MLPH: variants seen among roughly 807,000 people sequenced by gnomAD.
MLPH encodes melanophilin, also known as exophilin-3.
A neutral mutation model predicts 72.1 loss-of-function variants in MLPH; 51 were observed. The observed-to-expected ratio is 0.71, with a 90% CI of 0.56 to 0.89. The LOEUF (loss-of-function observed/expected upper bound fraction) is 0.89, where lower values mean the gene tolerates loss of function less well. Among genes scored for constraint, MLPH ranks in the 40% least tolerant of loss-of-function variants. The probability of loss-of-function intolerance (pLI) is 0.00; values close to 1 mark genes in which losing one functional copy is unlikely to be tolerated. For synonymous variants in MLPH, 301 were observed against 310.1 expected (o/e 0.97, Z 0.31); for missense variants, 743 against 759.9 (o/e 0.98, Z 0.26).
At chr2:237,536,681 C>A (rs950916960) in intron 9 of MLPH, among the ~76,000 whole-genome samples, 1 of 152,224 alleles carries the variant, frequency 6.6e-6, no homozygotes, top group African/African-American at 2.4e-5. Context: ...AGGTCTCACT[C>A]GGGCCTCGGC....
Position 237,510,933 on chromosome 2 carries a change from T to C in MLPH, c.333-56T>C. 1 of 1,526,254 alleles carries C rather than the reference T, an allele frequency of 6.6e-7. No homozygotes were observed. Among genetic ancestry groups the C allele is most frequent in the African/African-American group, 1.4e-5 (1 of 72,540 alleles). 94.5% of individuals were successfully genotyped at this position (1,526,254 alleles called of 1,614,324 possible). ...TGTGTGTGTGTGTGTGTGAGATTTA[T>C]GCAGGCCTGTGTACAGCACTCAGGC... On this transcript the variant is annotated intron_variant, in intron 3 of 15. Transcript: ENST00000264605. This position sits in a 1 kb window ranked among gnomAD's most constrained non-coding sequence, Gnocchi z 4.4.
In MLPH at chr2:237,501,682, AAAAAAAATAC is replaced by A. The variant is rs1365436483; in HGVS notation, c.110+8155_110+8164del. Among the ~76,000 whole-genome samples, 710 of 123,128 alleles carry A rather than the reference AAAAAAAATAC, an allele frequency of 5.8e-3. 2 individuals carry two copies. The highest frequency in any genetic ancestry group is 8.9e-3 in the African/African-American group (255 of 28,602). 80.8% of individuals were successfully genotyped at this position (123,128 alleles called of 152,430 possible). On this transcript the variant is annotated intron_variant, in intron 2 of 15. Coordinates refer to ENST00000264605, the MANE Select transcript of MLPH (RefSeq NM_024101.7). ...TCTCTACTAAAAAAAAAAAAAAAAA[AAAAAAAATAC>A]AAAAAAATTAGCCAGGCATGGTGGC... is the stretch of plus-strand genomic sequence containing the variant.
intron 2 of MLPH, among the ~76,000 whole-genome samples, chr2:237,496,919 C>T (rs2079548076): frequency 1.3e-5 from 2 of 152,170 alleles, no homozygotes; most frequent in African/African-American, 4.8e-5. Context: ...GCAGGTGACA[C>T]ATTTGGGAGG....
chr2:237,545,584 C>G (rs144228529), intron 12 of MLPH: 2 of 1,287,688 alleles, frequency 1.6e-6, no homozygotes, highest in East Asian at 5.5e-5. Context: ...TCCGCCGCCA[C>G]GTGAAGATGG....
chr2:237,510,804 A>C lies in MLPH; in HGVS notation c.332+9A>C. ...CCCTGCCATCTGGCCAGGTGAGCCCAGGCCTTGAGGTAAAATGACCTTGAT... is the reference window on the plus strand; with the variant it reads ...CCCTGCCATCTGGCCAGGTGAGCCCCGGCCTTGAGGTAAAATGACCTTGAT... On this transcript the variant is annotated intron_variant, in intron 3 of 15. Coordinates refer to ENST00000264605, the MANE Select transcript of MLPH (RefSeq NM_024101.7). The surrounding 1 kb of genome is among the most constrained non-coding windows in gnomAD (Gnocchi z 4.4). 6.2e-7 allele frequency: 1 copy of C among 1,613,052 alleles called. No individual in the cohort carries two copies. The highest frequency in any genetic ancestry group is 8.5e-7 in the Non-Finnish European group (1 of 1,179,918).
chr2:237,517,956 T>C lies in MLPH; in HGVS notation c.446-583T>C, dbSNP rs146649244. The C allele has an allele frequency of 2.8e-3, 532 of 192,258 alleles. 10 individuals carry two copies. The highest frequency in any genetic ancestry group is 4.1e-3 in the East Asian group (30 of 7,348). 11.9% of individuals were successfully genotyped at this position (192,258 alleles called of 1,614,324 possible). ...GTGGATGAGTAGGTAGATGGATAGA[T>C]GGGCCACTGATTGATTGAGTGGATG... On this transcript the variant is annotated intron_variant, in intron 4 of 15. Coordinates refer to ENST00000264605, the MANE Select transcript of MLPH (RefSeq NM_024101.7).
intron 2 of MLPH, among the ~76,000 whole-genome samples, chr2:237,509,475 G>A (rs1057265207): frequency 3.3e-5 from 5 of 152,234 alleles, no homozygotes; most frequent in Admixed American, 6.5e-5. Flanking sequence ...GAGCTGGCAA[G>A]GGTGGAAATG....
At chr2:237,536,407 A>T (rs2106365392) in intron 9 of MLPH, among the ~76,000 whole-genome samples, 1 of 152,340 alleles carries the variant, frequency 6.6e-6, no homozygotes, top group African/African-American at 2.4e-5. Context: ...TACCCCTGCA[A>T]GGTAGACATT....
Position 237,495,286 on chromosome 2 carries a change from C to T in MLPH, c.110+1750C>T, listed in dbSNP as rs1258179984. 2.6e-5 allele frequency among the ~76,000 whole-genome samples: 4 copies of T among 152,224 alleles called. No individual in the cohort carries two copies. The East Asian group carries it at 7.7e-4, about 29-fold the overall frequency. ...CTTCCCATCTCAGGATCCTTAATGTCATTCCATCGGCAAAGTCCCTTTTGC... is the reference window on the plus strand; with the variant it reads ...CTTCCCATCTCAGGATCCTTAATGTTATTCCATCGGCAAAGTCCCTTTTGC... On this transcript the variant is annotated intron_variant, in intron 2 of 15. Coordinates refer to ENST00000264605, the MANE Select transcript of MLPH (RefSeq NM_024101.7).
intron 9 of MLPH, among the ~76,000 whole-genome samples, 172 bp downstream of exon 9, chr2:237,534,819 A>T (rs1340965922): frequency 6.6e-6 from 1 of 152,168 alleles, no homozygotes; most frequent in Non-Finnish European, 1.5e-5. Context: ...ACATAGCCTG[A>T]GTGAAGTCTT....
Position 237,525,951 on chromosome 2 carries a change from T to C in MLPH, c.880+146T>C. ...TGGCGTGATTGTCCGGGACGTGCAG[T>C]CCCAGCAAACACCGTGGACACCTGC... On this transcript the variant is annotated intron_variant, in intron 7 of 15. Transcript: ENST00000264605. The C allele has an allele frequency of 3.6e-6, 3 of 837,836 alleles. No individual in the cohort carries two copies. The South Asian group carries it at 4.5e-5, about 13-fold the overall frequency. The allele number at this position is 837,836 out of a possible 1,614,324, so 51.9% of individuals were successfully genotyped here.
At chr2:237,492,728 T>C (rs188127563) in intron 1 of MLPH, among the ~76,000 whole-genome samples, 1 of 152,288 alleles carries the variant, frequency 6.6e-6, no homozygotes, top group African/African-American at 2.4e-5. Context: ...CACATCGCCC[T>C]CACAGGCATC....
At chr2:237,492,636 C>T (rs2079449690) in intron 1 of MLPH, among the ~76,000 whole-genome samples, 1 of 152,192 alleles carries the variant, frequency 6.6e-6, no homozygotes, top group Non-Finnish European at 1.5e-5. Flanking sequence ...ACCTACTGCT[C>T]ATCCTGCCCA....
chr2:237,510,964 C>A lies in MLPH; in HGVS notation c.333-25C>A. On this transcript the variant is annotated intron_variant, in intron 3 of 15. Coordinates refer to ENST00000264605, the MANE Select transcript of MLPH (RefSeq NM_024101.7). This position sits in a 1 kb window ranked among gnomAD's most constrained non-coding sequence, Gnocchi z 4.4. Reference sequence around the variant, plus strand: ...CCTGTGTACAGCACTCAGGCAGTGCCATGAGCCTGTGCTTGTCCCTGCAGA... The same window carrying A: ...CCTGTGTACAGCACTCAGGCAGTGCAATGAGCCTGTGCTTGTCCCTGCAGA... 6.3e-7 allele frequency: 1 copy of A among 1,599,934 alleles called. No individual in the cohort carries two copies. The highest frequency in any genetic ancestry group is 1.1e-5 in the South Asian group (1 of 90,706).
intron 5 of MLPH, among the ~76,000 whole-genome samples, chr2:237,519,265 G>T (rs1043395312): frequency 1.3e-5 from 2 of 152,070 alleles, no homozygotes; most frequent in African/African-American, 4.8e-5. Context: ...TGCTTGGAGA[G>T]AAATGGGCCA....
intron 13 of MLPH, 121 bp downstream of exon 13, chr2:237,546,804 A>G (rs1180573535): frequency 1.2e-6 from 1 of 824,152 alleles, no homozygotes; most frequent in Non-Finnish European, 2.1e-6. Context: ...CTACCCACAC[A>G]GCAATGCCCA....
intron 14 of MLPH, among the ~76,000 whole-genome samples, chr2:237,549,556 C>T (rs2080991417): frequency 6.6e-6 from 1 of 152,182 alleles, no homozygotes; most frequent in Admixed American, 6.5e-5. Context: ...ATAAATTGTC[C>T]TAACGTGGTA....
At chr2:237,518,147 G>A (rs1212439662) in intron 4 of MLPH, 2 of 356,176 alleles carry the variant, frequency 5.6e-6, no homozygotes, top group Non-Finnish European at 1.1e-5. Context: ...TGGATGGGTG[G>A]GTAGGTGAAT....
intron 6 of MLPH, 135 bp from the exon 7 acceptor site, chr2:237,525,466 G>A: frequency 1.2e-6 from 1 of 802,312 alleles, no homozygotes; most frequent in Non-Finnish European, 2.1e-6. Context: ...GCAGGGGCCA[G>A]CGCAGATGGG....
Sources: allele counts gnomAD v4.1 joint callset (sites outside exome capture counted in the v4.1 genomes callset), GRCh38; gene constraint gnomAD v4.1.1; non-coding constraint Gnocchi (gnomAD v3.1); transcripts MANE v1.5; gene names NCBI Gene and HGNC (gene_info 2026-07-23, HGNC 2026-07-21).